NRXN1: variants seen among roughly 807,000 people sequenced by gnomAD.
NRXN1 encodes the protein neurexin-1.
NRXN1 carries 39 observed loss-of-function variants against 150.9 expected under a neutral mutation model. The observed-to-expected ratio is 0.26, with a 90% CI of 0.20 to 0.34. NRXN1 has a LOEUF of 0.34. NRXN1 is among the 10% of genes least tolerant of loss of function. NRXN1 has a pLI of 1.00. For synonymous variants in NRXN1, 924 were observed against 757.0 expected (o/e 1.22, Z -3.62); for missense variants, 1,815 against 1,949.9 (o/e 0.93, Z 1.30).
chr2:50,728,550 T>C (rs980194284), intron 5 of NRXN1, among the ~76,000 whole-genome samples: 25 of 152,326 alleles, frequency 1.6e-4, no homozygotes, highest in African/African-American at 6.0e-4. Flanking sequence ...TGTACCTTAA[T>C]ACATCAATAT....
intron 15 of NRXN1, among the ~76,000 whole-genome samples, chr2:50,477,010 C>G (rs1281565193): frequency 6.6e-6 from 1 of 151,840 alleles, no homozygotes; most frequent in African/African-American, 2.4e-5. Context: ...GGGGAGCATA[C>G]AAAAGTTGAG....
chr2:50,039,046 G>A (rs191008534), intron 21 of NRXN1, among the ~76,000 whole-genome samples: 17 of 151,854 alleles, frequency 1.1e-4, no homozygotes, highest in East Asian at 7.8e-4. Flanking sequence ...GTGTGGTGGC[G>A]GGTGCCTGTA....
intron 5 of NRXN1, chr2:50,632,542 C>T (rs1682524499): frequency 6.6e-6 from 1 of 151,956 alleles, no homozygotes; most frequent in Non-Finnish European, 1.5e-5. Context: ...CCCCCTCGAC[C>T]CCAACTTACT....
chr2:50,326,424 C>T (rs941969868), intron 17 of NRXN1, among the ~76,000 whole-genome samples: 2 of 152,052 alleles, frequency 1.3e-5, no homozygotes, highest in Non-Finnish European at 2.9e-5. Context: ...GTAGAAAGTA[C>T]TTTTTCATAA....
intron 17 of NRXN1, among the ~76,000 whole-genome samples, chr2:50,426,495 A>T (rs752724784): frequency 1.3e-5 from 2 of 152,184 alleles, no homozygotes; most frequent in Non-Finnish European, 2.9e-5. Flanking sequence ...ACAGCAACAC[A>T]GTGTATTGTA....
chr2:51,007,780 G>A (rs1006827190), intron 2 of NRXN1, among the ~76,000 whole-genome samples: 14 of 151,846 alleles, frequency 9.2e-5, no homozygotes, highest in Admixed American at 1.3e-4. Context: ...GTAACAGTCT[G>A]TAGACAACAG....
intron 2 of NRXN1, among the ~76,000 whole-genome samples, chr2:50,979,516 T>C (rs1696445546): frequency 6.6e-6 from 1 of 152,126 alleles, no homozygotes; most frequent in Admixed American, 6.6e-5. Context: ...CAATGGAGGA[T>C]ATAACCTATA....
At position 50,834,253 on chromosome 2, in the gene NRXN1, A is replaced by G. The variant is rs1255115379; in HGVS notation, c.832+87616T>C. ...TTAAATTTAAGATTCTCTGTAATCA[A>G]CTGTGAAAATCTGAATACATTTGTT... On this transcript the variant is annotated intron_variant, in intron 5 of 22. Coordinates refer to ENST00000401669, the MANE Select transcript of NRXN1 (RefSeq NM_001330078.2). Among the ~76,000 whole-genome samples the G allele has an allele frequency of 2.6e-5, 4 of 152,206 alleles. No individual in the cohort carries two copies. The East Asian group carries it at 7.7e-4, about 29-fold the overall frequency.
In NRXN1 at chr2:50,744,663, G is replaced by A. The variant is rs565576604; in HGVS notation, c.833-121048C>T. 4.1e-4 allele frequency among the ~76,000 whole-genome samples: 62 copies of A among 152,190 alleles called. 1 individual carries two copies. In the South Asian group the frequency reaches 0.011, roughly 27 times the overall value. On this transcript the variant is annotated intron_variant, in intron 5 of 22. Transcript: ENST00000401669. The stretch of plus-strand genomic sequence containing the variant: ...TCCAGGCTACTTAAGTGACTTCACT[G>A]AAGCAAAATCCAAGTAGAGAGATAT...
At chr2:50,212,693 C>A (rs534727621) in intron 18 of NRXN1, among the ~76,000 whole-genome samples, 77 of 151,792 alleles carry the variant, frequency 5.1e-4, no homozygotes, top group African/African-American at 1.8e-3. Context: ...AACAAATAAA[C>A]CAAAAATATT....
rs149674180 is a variant in NRXN1, at chr2:50,525,514, C to T, written c.2374+3111G>A. ...ATAATTCATTTCTGTGCTCACCTTG[C>T]AGCCCATGGATTTGGAAACACTGAC... On this transcript the variant is annotated intron_variant, in intron 12 of 22. Coordinates refer to ENST00000401669, the MANE Select transcript of NRXN1 (RefSeq NM_001330078.2). Among the ~76,000 whole-genome samples, 13 of 152,288 alleles carry T rather than the reference C, an allele frequency of 8.5e-5. No homozygotes were observed. In the East Asian group the frequency reaches 2.5e-3, roughly 29 times the overall value.
chr2:50,472,444 T>G lies in NRXN1; in HGVS notation c.3098A>C (p.Lys1033Thr). Residue 1033 changes from lysine (K) to threonine (T), a missense_variant, in exon 16 of 23, where the codon AAA becomes ACA. Physicochemically the swap from Lys to Thr is moderately conservative, Grantham distance 78. This residue lies in a region of NRXN1 where 339 missense variants were observed against 440.3 expected (regional missense o/e 0.77). Transcript: ENST00000401669. The part of the protein sequence containing the change: ...KSDLYIGGVA[K>T]ETYKSLPKLV... ...TTTTGGTAAGGATTTGTATGTTTCT[T>G]TAGCTACTCCTCCTATATATAAGTC... 1 of 1,612,116 alleles carries G rather than the reference T, an allele frequency of 6.2e-7. No individual in the cohort carries two copies. Among genetic ancestry groups the G allele is most frequent in the South Asian group, 1.1e-5 (1 of 91,006 alleles).
At chr2:50,520,843 C>T (rs1228436261) in intron 12 of NRXN1, among the ~76,000 whole-genome samples, 1 of 151,990 alleles carries the variant, frequency 6.6e-6, no homozygotes, top group Non-Finnish European at 1.5e-5. Context: ...TGTCTGACTA[C>T]TAAGAGAACA....
chr2:50,354,550 C>CATATAT lies in NRXN1; in HGVS notation c.3364+110891_3364+110892insATATAT, dbSNP rs1420237558. On this transcript the variant is annotated intron_variant, in intron 17 of 22. Coordinates refer to ENST00000401669, the MANE Select transcript of NRXN1 (RefSeq NM_001330078.2). Reference sequence around the variant, plus strand: ...ATACACTACCTTAGCGTCTAGAGTGCATACATATATATATATATATATATA... The same window carrying CATATAT: ...ATACACTACCTTAGCGTCTAGAGTGCATATATATACATATATATATATATATATATA... 4.5e-4 allele frequency among the ~76,000 whole-genome samples: 30 copies of CATATAT among 66,250 alleles called. No individual in the cohort carries two copies. The East Asian group carries it at 6.3e-3, about 14-fold the overall frequency. 43.5% of individuals were successfully genotyped at this position (66,250 alleles called of 152,430 possible). A position where few individuals can be genotyped will look rare whatever the true frequency, so the allele number is the denominator to read the frequency against.
chr2:50,756,222 C>T (rs1701144408), intron 5 of NRXN1, among the ~76,000 whole-genome samples: 1 of 151,674 alleles, frequency 6.6e-6, no homozygotes, highest in African/African-American at 2.4e-5. Context: ...AATCACCTGT[C>T]ATGAGACTGT....
chr2:49,984,149 A>G (rs548599140), intron 21 of NRXN1, among the ~76,000 whole-genome samples: 1 of 152,292 alleles, frequency 6.6e-6, no homozygotes, highest in Admixed American at 6.5e-5. Context: ...TGCGGTCAAT[A>G]GAGTGAGACC....
intron 22 of NRXN1, among the ~76,000 whole-genome samples, chr2:49,934,156 T>C (rs1670614319): frequency 6.6e-6 from 1 of 152,212 alleles, no homozygotes; most frequent in African/African-American, 2.4e-5. Context: ...AAATCAATCA[T>C]CTAAGACTAT....
chr2:50,192,575 C>T (rs534344862), intron 18 of NRXN1, among the ~76,000 whole-genome samples: 3 of 150,318 alleles, frequency 2.0e-5, no homozygotes, highest in South Asian at 2.1e-4. Flanking sequence ...TATATCCACA[C>T]AGGCATACAA....
intron 5 of NRXN1, among the ~76,000 whole-genome samples, chr2:50,652,380 G>A (rs532945691): frequency 4.6e-5 from 7 of 152,012 alleles, no homozygotes; most frequent in East Asian, 1.9e-4. Flanking sequence ...GTGCCCATTC[G>A]TAGTCATTCC....
Sources: gnomAD v4.1 joint callset for allele counts (sites outside exome capture counted in the v4.1 genomes callset) on GRCh38, gnomAD v4.1.1 for gene constraint, gnomAD v4.1.1 regional missense constraint, MANE v1.5 for transcripts, NCBI Gene and HGNC (gene_info 2026-07-23, HGNC 2026-07-21) for gene names.